BCL2L14: variants seen among roughly 807,000 people sequenced by gnomAD.
BCL2L14 encodes the protein apoptosis facilitator Bcl-2-like protein 14.
In BCL2L14, 27 loss-of-function variants were observed where a neutral mutation model predicts 35.3. The observed-to-expected ratio is 0.76, with a 90% confidence interval of 0.56 to 1.05. BCL2L14 has a LOEUF of 1.05. BCL2L14 is among the 50% of genes least tolerant of loss of function. The pLI, the probability that BCL2L14 is intolerant of heterozygous loss-of-function variation, is 0.00. For synonymous variants in BCL2L14, 139 were observed against 145.9 expected (o/e 0.95, Z 0.34); for missense variants, 377 against 382.6 (o/e 0.99, Z 0.12).
Position 12,065,547 on chromosome 12 carries a change from AAAAG to A in BCL2L14, c.-271-12156_-271-12153del, listed in dbSNP as rs1272109222. On this transcript the variant is annotated intron_variant, in intron 2 of 3. Transcript: ENST00000461264. ...TGAGACTCCATCTCAAAAAAAAAAAAAAAGAAGAAGAAGTGACAAGACAAAGGGA... is the reference window on the plus strand; with the variant it reads ...TGAGACTCCATCTCAAAAAAAAAAAAAAGAAGAAGTGACAAGACAAAGGGA... Among the ~76,000 whole-genome samples, 266 of 152,064 alleles carry A rather than the reference AAAAG, an allele frequency of 1.7e-3. 1 individual carries two copies. Among genetic ancestry groups the A allele is most frequent in the African/African-American group, 2.3e-3 (95 of 41,512 alleles).
chr12:12,072,861 T>C (rs753628499), intron 1 of BCL2L14, among the ~76,000 whole-genome samples: 219 of 147,448 alleles, frequency 1.5e-3, no homozygotes, highest in Middle Eastern at 7.0e-3. Flanking sequence ...AAAAACTCTG[T>C]GTTTGTGTGG....
chr12:12,082,250 C>T (rs192952009), intron 2 of BCL2L14, among the ~76,000 whole-genome samples: 2 of 152,344 alleles, frequency 1.3e-5, no homozygotes, highest in East Asian at 3.9e-4. Context: ...AAGGCATCTG[C>T]TCTCTGAACT....
At chr12:12,093,169 A>C (rs1047732856) in intron 4 of BCL2L14, among the ~76,000 whole-genome samples, 2 of 152,208 alleles carry the variant, frequency 1.3e-5, no homozygotes, top group Non-Finnish European at 2.9e-5. Flanking sequence ...GGGAGGTAAA[A>C]TCAATAGGGT....
chr12:12,088,133 C>G (rs1949088990), intron 3 of BCL2L14, among the ~76,000 whole-genome samples: 1 of 152,156 alleles, frequency 6.6e-6, no homozygotes, highest in Non-Finnish European at 1.5e-5. Context: ...CATGGACACA[C>G]ACAAGAAGTG....
chr12:12,050,793 T>TAAAAAAAAAAAAAAAAAAAAAAAAAAA (rs3052084), intron 1 of BCL2L14, among the ~76,000 whole-genome samples: 5 of 88,290 alleles, frequency 5.7e-5, no homozygotes, highest in Non-Finnish European at 8.5e-5. Context: ...GCTGATGAGC[T>TAAAAAAAAAAAAAAAAAAAAAAAAAAA]AAAAAAAAAA....
At chr12:12,083,175 A>G (rs1378817205) in intron 2 of BCL2L14, among the ~76,000 whole-genome samples, 1 of 152,138 alleles carries the variant, frequency 6.6e-6, no homozygotes, top group Non-Finnish European at 1.5e-5. Flanking sequence ...CGTGTTAGCC[A>G]GGATGGTCTC....
intron 3 of BCL2L14, among the ~76,000 whole-genome samples, chr12:12,088,818 G>A (rs1591832150): frequency 6.6e-6 from 1 of 152,180 alleles, no homozygotes; most frequent in African/African-American, 2.4e-5. Flanking sequence ...AGGGGCCACA[G>A]CTGCCACAGA....
At chr12:12,079,175 C>T in intron 1 of BCL2L14, 124 bp from the exon 2 acceptor site, 1 of 807,238 alleles carries the variant, frequency 1.2e-6, no homozygotes, top group Non-Finnish European at 2.0e-6. Context: ...CCCTCTCTAC[C>T]CTCCAGCACA....
upstream of BCL2L14, among the ~76,000 whole-genome samples, chr12:12,067,777 T>C (rs1948610988): frequency 6.6e-6 from 1 of 152,166 alleles, no homozygotes; most frequent in Non-Finnish European, 1.5e-5. Flanking sequence ...GTTTTTGCTT[T>C]TGCTGTTTAA....
At chr12:12,082,605 C>T (rs1477798347) in intron 2 of BCL2L14, among the ~76,000 whole-genome samples, 5 of 151,920 alleles carry the variant, frequency 3.3e-5, no homozygotes, top group Non-Finnish European at 7.4e-5. Context: ...TTTCTTTTTT[C>T]AGTAGGGAAA....
At chr12:12,091,236 C>A (rs1949182467) in intron 4 of BCL2L14, among the ~76,000 whole-genome samples, 2 of 152,222 alleles carry the variant, frequency 1.3e-5, no homozygotes, top group South Asian at 4.1e-4. Context: ...CACAGTTGCT[C>A]CAAAGCTGGA....
At chr12:12,059,322 A>T (rs34598726) in intron 2 of BCL2L14, among the ~76,000 whole-genome samples, 74,412 of 150,692 alleles carry the variant, frequency 0.49, 18,897 homozygotes, top group Non-Finnish European at 0.56. Flanking sequence ...GGTGCAAGAA[A>T]CCCCCAACCC....
At chr12:12,065,983 G>A (rs1395169777), upstream of BCL2L14, among the ~76,000 whole-genome samples, 1 of 151,992 alleles carries the variant, frequency 6.6e-6, no homozygotes, top group Non-Finnish European at 1.5e-5. Context: ...TAGAGATGGG[G>A]TTTCGCCATG....
chr12:12,099,459 A>G lies in BCL2L14; in HGVS notation c.*471A>G, dbSNP rs1254750311. On this transcript the variant is annotated 3_prime_UTR_variant, in exon 6 of 6. Transcript: ENST00000308721. Reference sequence around the variant, plus strand: ...GATGTTGCTATTCACGTTAGTAAACAGCCTAAAGAAACTCTTAGGTTTACT... The same window carrying G: ...GATGTTGCTATTCACGTTAGTAAACGGCCTAAAGAAACTCTTAGGTTTACT... 6.5e-6 allele frequency: 1 copy of G among 154,536 alleles called. No individual in the cohort carries two copies. The highest frequency in any genetic ancestry group is 2.4e-5 in the African/African-American group (1 of 41,496). The allele number at this position is 154,536 out of a possible 1,614,324, so 9.6% of individuals were successfully genotyped here.
At chr12:12,096,236 T>A in intron 5 of BCL2L14, 1 of 877,048 alleles carries the variant, frequency 1.1e-6, no homozygotes, top group Non-Finnish European at 1.4e-6. Context: ...TAATATATTT[T>A]CTCAGAGAAA....
At chr12:12,059,617 A>G (rs1406222553) in intron 2 of BCL2L14, among the ~76,000 whole-genome samples, 1 of 143,354 alleles carries the variant, frequency 7.0e-6, no homozygotes. Flanking sequence ...AGAACCCCCT[A>G]CCCCTTCTCC....
chr12:12,077,448 G>A (rs557714905), intron 1 of BCL2L14, among the ~76,000 whole-genome samples: 2 of 151,892 alleles, frequency 1.3e-5, no homozygotes, highest in East Asian at 1.9e-4. Context: ...GAGGGGCTGA[G>A]GTGAGAGAAT....
upstream of BCL2L14, among the ~76,000 whole-genome samples, chr12:12,067,072 T>C (rs1159134196): frequency 2.6e-5 from 4 of 151,652 alleles, no homozygotes; most frequent in East Asian, 7.8e-4. Context: ...ATTTTTATTT[T>C]GATTTTTTTG....
intron 2 of BCL2L14, among the ~76,000 whole-genome samples, chr12:12,058,116 AT>A (rs1286565027): frequency 6.8e-6 from 1 of 147,586 alleles, no homozygotes; most frequent in African/African-American, 2.5e-5. Context: ...GCCCAGCTAA[AT>A]TTTTTTGTGT....
Sources: gnomAD v4.1 joint callset for allele counts (sites outside exome capture counted in the v4.1 genomes callset) on GRCh38, gnomAD v4.1.1 for gene constraint, MANE v1.5 for transcripts, NCBI Gene and HGNC (gene_info 2026-07-23, HGNC 2026-07-21) for gene names.